NCKAP5: variants seen among roughly 807,000 people sequenced by gnomAD.
NCKAP5 encodes the protein NCK associated protein 5.
A neutral mutation model predicts 167.0 loss-of-function variants in NCKAP5; 92 were observed. The ratio of observed to expected loss-of-function variants is 0.55; its 90% confidence interval spans 0.47 to 0.66. NCKAP5 has a LOEUF of 0.66. Ranked by LOEUF, NCKAP5 falls within the 30% of genes least tolerant of loss-of-function variation. NCKAP5 has a pLI of 0.00. For missense variants in NCKAP5, 2,378 were observed against 2,315.0 expected (o/e 1.03, Z -0.56); for synonymous variants, 891 against 877.4 (o/e 1.02, Z -0.27).
At chr2:133,197,485 C>T (rs150560534) in intron 5 of NCKAP5, among the ~76,000 whole-genome samples, 144 of 152,148 alleles carry the variant, frequency 9.5e-4, no homozygotes, top group African/African-American at 3.3e-3. Context: ...AATACAATAT[C>T]CAAAATATCC....
intron 5 of NCKAP5, among the ~76,000 whole-genome samples, chr2:133,192,695 T>C (rs2150086184): frequency 6.6e-6 from 1 of 151,900 alleles, no homozygotes; most frequent in South Asian, 2.1e-4. Context: ...AAAACGACAA[T>C]GAGATATCAA....
At chr2:133,211,580 T>A (rs903825977) in intron 5 of NCKAP5, among the ~76,000 whole-genome samples, 1 of 152,206 alleles carries the variant, frequency 6.6e-6, no homozygotes, top group African/African-American at 2.4e-5. Flanking sequence ...GCTGCTTCTA[T>A]GTCCTAACAT....
chr2:132,789,372 C>T (rs1351507639), intron 13 of NCKAP5, among the ~76,000 whole-genome samples: 2 of 152,154 alleles, frequency 1.3e-5, no homozygotes, highest in Non-Finnish European at 2.9e-5. Context: ...CATTGGAAGT[C>T]TGAGTCCCAG....
chr2:133,442,503 C>T (rs763050220), intron 3 of NCKAP5, among the ~76,000 whole-genome samples: 8 of 152,204 alleles, frequency 5.3e-5, no homozygotes, highest in Non-Finnish European at 1.0e-4. Flanking sequence ...CTGCAGTCAT[C>T]ACATCCATCA....
chr2:132,873,801 G>A (rs993235507), intron 9 of NCKAP5, among the ~76,000 whole-genome samples: 30 of 152,196 alleles, frequency 2.0e-4, no homozygotes, highest in African/African-American at 6.5e-4. Flanking sequence ...AGAGATAACT[G>A]AAGAAATTAG....
At chr2:133,284,625 C>T (rs1012237138) in intron 4 of NCKAP5, 2 of 152,148 alleles carry the variant, frequency 1.3e-5, no homozygotes, top group Admixed American at 1.3e-4. Flanking sequence ...AGAAGATGGA[C>T]ATTCAAGGAA....
intron 2 of NCKAP5, among the ~76,000 whole-genome samples, chr2:133,544,718 AGC>A (rs1268410603): frequency 1.3e-5 from 2 of 152,228 alleles, no homozygotes; most frequent in Non-Finnish European, 2.9e-5. Flanking sequence ...TAGGATAAAT[AGC>A]TAAAGGTGCC....
chr2:133,531,365 CTT>C (rs1227085186), intron 2 of NCKAP5, among the ~76,000 whole-genome samples: 1 of 151,988 alleles, frequency 6.6e-6, no homozygotes, highest in African/African-American at 2.4e-5. Context: ...TTTTATTACT[CTT>C]GAGAATTATT....
chr2:132,914,843 T>C (rs1350146358), intron 8 of NCKAP5, among the ~76,000 whole-genome samples: 1 of 151,982 alleles, frequency 6.6e-6, no homozygotes, highest in Non-Finnish European at 1.5e-5. Context: ...GTGATAGCCC[T>C]GGATATGTGT....
chr2:132,983,413 T>C (rs1559018691), intron 7 of NCKAP5, among the ~76,000 whole-genome samples: 1 of 152,178 alleles, frequency 6.6e-6, no homozygotes, highest in Non-Finnish European at 1.5e-5. Flanking sequence ...TTCCAGTTTT[T>C]GCCCTTTCAG....
At chr2:132,982,282 A>G (rs1337559116) in intron 7 of NCKAP5, among the ~76,000 whole-genome samples, 1 of 152,194 alleles carries the variant, frequency 6.6e-6, no homozygotes, top group African/African-American at 2.4e-5. Context: ...CTTTAGCCTC[A>G]CTATACCCAC....
In NCKAP5 at chr2:132,731,905, A is replaced by C. The variant is rs199923586; in HGVS notation, c.5275T>G (p.Ser1759Ala). Residue 1759 changes from serine to alanine, a missense_variant, in exon 17 of 20, where the codon TCT becomes GCT. Around this residue, in one of 3 missense-constraint regions of NCKAP5, gnomAD observed 1,325 missense variants for 1,274.5 expected, o/e 1.04. Transcript: ENST00000409261. ...TGGGCTCTCATGGAAGAAACTGCAG[A>C]AAGGGCTGACTGGAGAGGCAGGAGA... ...EPLLPLQSALSAVSSMRAQTL... is the reference protein window; with the variant it reads ...EPLLPLQSALAAVSSMRAQTL... 4.4e-5 allele frequency: 71 copies of C among 1,613,804 alleles called. No individual in the cohort carries two copies. The highest frequency in any genetic ancestry group is 5.3e-5 in the Non-Finnish European group (62 of 1,179,882).
chr2:133,292,302 A>AT (rs1296015884), intron 4 of NCKAP5, among the ~76,000 whole-genome samples: 2 of 151,306 alleles, frequency 1.3e-5, no homozygotes, highest in Non-Finnish European at 2.9e-5. Context: ...CTCCTTCTAG[A>AT]TTTAAAAAAA....
chr2:133,422,035 T>G (rs1259890165), intron 3 of NCKAP5, among the ~76,000 whole-genome samples: 1 of 152,208 alleles, frequency 6.6e-6, no homozygotes, highest in Admixed American at 6.5e-5. Flanking sequence ...CAGATTCTAG[T>G]GGAGGAAACA....
chr2:133,158,789 T>C (rs962344262), intron 5 of NCKAP5, among the ~76,000 whole-genome samples: 1 of 152,068 alleles, frequency 6.6e-6, no homozygotes, highest in African/African-American at 2.4e-5. Context: ...TCATGCCTCA[T>C]TGATTACCCA....
chr2:133,069,745 G>C (rs985402100), intron 6 of NCKAP5, among the ~76,000 whole-genome samples: 4 of 151,590 alleles, frequency 2.6e-5, no homozygotes, highest in Non-Finnish European at 4.4e-5. Context: ...CATTAATCAG[G>C]GTAGAAAAAA....
intron 3 of NCKAP5, among the ~76,000 whole-genome samples, chr2:133,496,736 T>A (rs1359969773): frequency 6.6e-6 from 1 of 152,214 alleles, no homozygotes; most frequent in Non-Finnish European, 1.5e-5. Context: ...TGTATTTATA[T>A]GCTCAAGCTG....
chr2:132,838,831 T>C (rs1158818063), intron 11 of NCKAP5, among the ~76,000 whole-genome samples: 1 of 152,158 alleles, frequency 6.6e-6, no homozygotes, highest in Non-Finnish European at 1.5e-5. Context: ...AGTCTAACAT[T>C]TACATATATG....
At chr2:133,538,882 T>G (rs1238503442) in intron 2 of NCKAP5, among the ~76,000 whole-genome samples, 3 of 151,106 alleles carry the variant, frequency 2.0e-5, no homozygotes, top group Non-Finnish European at 2.9e-5. Flanking sequence ...CTCAGCTTCA[T>G]CTGAGATGTA....
Sources: allele counts gnomAD v4.1 joint callset (sites outside exome capture counted in the v4.1 genomes callset), GRCh38; gene constraint gnomAD v4.1.1; regional missense constraint gnomAD v4.1.1; transcripts MANE v1.5; gene names NCBI Gene and HGNC (gene_info 2026-07-23, HGNC 2026-07-21).